PTPRD: variants seen among roughly 807,000 people sequenced by gnomAD.
PTPRD encodes protein tyrosine phosphatase receptor type D.
In PTPRD, 34 loss-of-function variants were observed where a neutral mutation model predicts 214.5. The observed-to-expected ratio is 0.16, with a 90% CI of 0.12 to 0.21. The LOEUF is 0.21. PTPRD is among the 10% of genes least tolerant of loss of function. The pLI is 1.00. For synonymous variants in PTPRD, 1,128 were observed against 845.7 expected (o/e 1.33, Z -5.79); for missense variants, 2,545 against 2,398.7 (o/e 1.06, Z -1.27).
At chr9:8,539,396 G>T (rs1024477175) in intron 14 of PTPRD, among the ~76,000 whole-genome samples, 3 of 151,818 alleles carry the variant, frequency 2.0e-5, no homozygotes, top group African/African-American at 7.3e-5. Flanking sequence ...AGAAAATAAT[G>T]CTCCCATTTA....
intron 2 of PTPRD, among the ~76,000 whole-genome samples, chr9:10,370,291 A>G (rs2097584941): frequency 6.6e-6 from 1 of 152,102 alleles, no homozygotes; most frequent in Non-Finnish European, 1.5e-5. Context: ...ATTAGAACGC[A>G]TGTTCACAAG....
intron 11 of PTPRD, among the ~76,000 whole-genome samples, chr9:8,781,576 G>A (rs941516288): frequency 6.6e-6 from 1 of 152,108 alleles, no homozygotes; most frequent in African/African-American, 2.4e-5. Context: ...TAAAGAAAGA[G>A]TCAAACTCTA....
intron 11 of PTPRD, among the ~76,000 whole-genome samples, chr9:8,903,157 TA>T (rs1318296183): frequency 6.6e-6 from 1 of 150,830 alleles, no homozygotes; most frequent in Non-Finnish European, 1.5e-5. Flanking sequence ...TTTTTTTTTT[TA>T]ATTCAAATTT....
chr9:8,327,634 G>A lies in PTPRD; in HGVS notation c.5534+3948C>T, dbSNP rs1344689575. Among the ~76,000 whole-genome samples, 3 of 151,786 alleles carry A rather than the reference G, an allele frequency of 2.0e-5. No homozygotes were observed. In the East Asian group the frequency reaches 5.8e-4, roughly 29 times the overall value. Reference sequence around the variant, plus strand: ...TTGATCTGTCTAATATTGACAGTGGGGTGTTAAAGTCTCCCACTATTATTG... The same window carrying A: ...TTGATCTGTCTAATATTGACAGTGGAGTGTTAAAGTCTCCCACTATTATTG... On this transcript the variant is annotated intron_variant, in intron 44 of 45. Coordinates refer to ENST00000381196, the MANE Select transcript of PTPRD (RefSeq NM_002839.4).
chr9:9,318,593 A>G (rs1338216765), intron 9 of PTPRD, among the ~76,000 whole-genome samples: 1 of 152,168 alleles, frequency 6.6e-6, no homozygotes, highest in Non-Finnish European at 1.5e-5. Context: ...TTTTCTGCAA[A>G]CGATTTCAAA....
chr9:9,323,241 T>A (rs959576519), intron 9 of PTPRD, among the ~76,000 whole-genome samples: 3 of 152,240 alleles, frequency 2.0e-5, no homozygotes, highest in African/African-American at 7.2e-5. Flanking sequence ...TTGGTTTTAT[T>A]TTAAAAAAGA....
At chr9:9,619,521 A>G (rs1351872307) in intron 7 of PTPRD, among the ~76,000 whole-genome samples, 3 of 146,502 alleles carry the variant, frequency 2.0e-5, no homozygotes, top group Non-Finnish European at 4.5e-5. Flanking sequence ...AATATAATAT[A>G]TAAATGACTA....
intron 21 of PTPRD, among the ~76,000 whole-genome samples, chr9:8,514,268 T>G (rs529704431): frequency 4.9e-4 from 74 of 152,290 alleles, no homozygotes; most frequent in Non-Finnish European, 9.6e-4. Flanking sequence ...GCATTCTAAA[T>G]ACAAGGATTC....
At chr9:9,270,528 T>A (rs928598437) in intron 9 of PTPRD, among the ~76,000 whole-genome samples, 6 of 151,380 alleles carry the variant, frequency 4.0e-5, no homozygotes, top group Non-Finnish European at 8.9e-5. Flanking sequence ...AAGGCTGACG[T>A]GGCTGAGTGT....
At chr9:8,485,401 G>T in intron 28 of PTPRD, 77 bp from the exon 29 acceptor site, 1 of 972,122 alleles carries the variant, frequency 1.0e-6, no homozygotes, top group South Asian at 1.4e-5. Flanking sequence ...TGGACCATAG[G>T]GGCTTATGCT....
chr9:8,317,361 A>C lies in PTPRD; in HGVS notation c.*513T>G. On this transcript the variant is annotated 3_prime_UTR_variant, in exon 46 of 46. Coordinates refer to ENST00000381196, the MANE Select transcript of PTPRD (RefSeq NM_002839.4). ...AAGCACAGGTCAGCAGTATCTTTAC[A>C]ATACTAAAAAACTAAATCAAGGACT... 4.3e-6 allele frequency: 1 copy of C among 232,842 alleles called. No individual in the cohort carries two copies. Among genetic ancestry groups the C allele is most frequent in the Middle Eastern group, 1.3e-3 (1 of 780 alleles). The allele number at this position is 232,842 out of a possible 1,614,324, so 14.4% of individuals were successfully genotyped here.
chr9:10,199,709 G>C (rs1156628103), intron 3 of PTPRD, among the ~76,000 whole-genome samples: 1 of 151,744 alleles, frequency 6.6e-6, no homozygotes, highest in Admixed American at 6.6e-5. Flanking sequence ...AACCAGGAAG[G>C]AGCAAATCTG....
intron 7 of PTPRD, among the ~76,000 whole-genome samples, chr9:9,639,530 C>T (rs1361480388): frequency 5.3e-5 from 8 of 152,182 alleles, no homozygotes; most frequent in African/African-American, 1.4e-4. Flanking sequence ...ACATTTAGTA[C>T]TAGGCAAAAT....
chr9:8,664,654 T>C (rs1375287186), intron 12 of PTPRD, among the ~76,000 whole-genome samples: 2 of 152,204 alleles, frequency 1.3e-5, no homozygotes, highest in Non-Finnish European at 2.9e-5. Flanking sequence ...TGGTATATAA[T>C]CCTCTTAAAT....
At chr9:8,637,731 G>A (rs553723840) in intron 12 of PTPRD, among the ~76,000 whole-genome samples, 33 of 152,292 alleles carry the variant, frequency 2.2e-4, no homozygotes, top group African/African-American at 7.5e-4. Flanking sequence ...TTTGGCAAAA[G>A]AGTATAAGTA....
At chr9:9,842,753 C>T (rs184375890) in intron 5 of PTPRD, among the ~76,000 whole-genome samples, 4 of 150,968 alleles carry the variant, frequency 2.6e-5, no homozygotes, top group Admixed American at 1.3e-4. Context: ...GTGCTTCATA[C>T]ACCAGGTGGT....
intron 5 of PTPRD, among the ~76,000 whole-genome samples, chr9:9,874,687 G>A (rs1315284582): frequency 1.3e-5 from 2 of 152,070 alleles, no homozygotes; most frequent in African/African-American, 4.8e-5. Flanking sequence ...CAGTCCTCCA[G>A]TCAAACATTA....
At chr9:10,273,405 T>C (rs1351740452) in intron 3 of PTPRD, among the ~76,000 whole-genome samples, 1 of 152,070 alleles carries the variant, frequency 6.6e-6, no homozygotes, top group African/African-American at 2.4e-5. Context: ...ATAATAGAAA[T>C]AGGGTCTTTT....
intron 12 of PTPRD, among the ~76,000 whole-genome samples, chr9:8,704,972 C>T (rs2098173535): frequency 6.6e-6 from 1 of 151,836 alleles, no homozygotes; most frequent in Admixed American, 6.6e-5. Context: ...TTCAATGGCT[C>T]TCAATCTTTT....
Sources: gnomAD v4.1 joint callset for allele counts (sites outside exome capture counted in the v4.1 genomes callset) on GRCh38, gnomAD v4.1.1 for gene constraint, MANE v1.5 for transcripts, NCBI Gene and HGNC (gene_info 2026-07-23, HGNC 2026-07-21) for gene names.